Variants in PTPRA observed in about 807,000 individuals in gnomAD.
The protein encoded by PTPRA is protein tyrosine phosphatase receptor type A.
Under a neutral mutation model 104.8 loss-of-function variants are expected in PTPRA, and 25 were observed. The ratio of observed to expected loss-of-function variants is 0.24; its 90% CI spans 0.17 to 0.33. The LOEUF (loss-of-function observed/expected upper bound fraction) is 0.33, where lower values mean the gene tolerates loss of function less well. Ranked by LOEUF, PTPRA falls within the 10% of genes least tolerant of loss-of-function variation. PTPRA has a pLI of 1.00. For synonymous variants in PTPRA, 323 were observed against 368.9 expected, an observed-to-expected ratio of 0.88 and a Z score of 1.43; for missense variants, 765 against 1,015.3, an observed-to-expected ratio of 0.75 and a Z score of 3.35.
chr20:3,019,242 G>A (rs2422836), intron 13 of PTPRA, among the ~76,000 whole-genome samples: 74,339 of 138,870 alleles, frequency 0.54, 19,475 homozygotes, highest in East Asian at 0.75. Flanking sequence ...GCGGCTGGCC[G>A]GGCGGGGGGC....
At chr20:2,890,362 C>A (rs2058748019) in intron 1 of PTPRA, among the ~76,000 whole-genome samples, 1 of 152,046 alleles carries the variant, frequency 6.6e-6, no homozygotes, top group African/African-American at 2.4e-5. Flanking sequence ...TGAACTTGGG[C>A]AAAATAGTTA....
chr20:2,994,236 T>C (rs1355503516), intron 9 of PTPRA, among the ~76,000 whole-genome samples: 1 of 152,158 alleles, frequency 6.6e-6, no homozygotes, highest in Non-Finnish European at 1.5e-5. Flanking sequence ...GCAGGGTTCC[T>C]CCTTACAGAT....
intron 3 of PTPRA, among the ~76,000 whole-genome samples, chr20:2,953,467 A>G (rs930002626): frequency 2.6e-5 from 4 of 151,472 alleles, no homozygotes; most frequent in Non-Finnish European, 5.9e-5. Flanking sequence ...GTTAATCAGG[A>G]TGGTCTCGAT....
At chr20:2,865,180 G>A in the PTPRA span, 7 of 1,614,180 alleles carry the variant, frequency 4.3e-6, no homozygotes, top group Admixed American at 1.0e-4. This position sits in a 1 kb window ranked among gnomAD's most constrained non-coding sequence, Gnocchi z 5.2. Context: ...TCCTACGGCT[G>A]CAGCGGCGCC....
At chr20:2,967,320 T>C (rs891640676) in intron 5 of PTPRA, among the ~76,000 whole-genome samples, 2 of 152,150 alleles carry the variant, frequency 1.3e-5, no homozygotes, top group Non-Finnish European at 2.9e-5. Context: ...TTATTCAAGA[T>C]GAGTAAAACA....
intron 2 of PTPRA, among the ~76,000 whole-genome samples, chr20:2,927,944 A>G (rs990469827): frequency 6.6e-6 from 1 of 151,466 alleles, no homozygotes; most frequent in Non-Finnish European, 1.5e-5. Flanking sequence ...CGGGTGGTGG[A>G]GGTTGCAGTG....
rs144329325 is a variant in PTPRA, at chr20:2,879,154, G to A, written c.-129+5394G>A. 5.3e-5 allele frequency among the ~76,000 whole-genome samples: 8 copies of A among 152,328 alleles called. No individual in the cohort carries two copies. The East Asian group carries it at 1.5e-3, about 29-fold the overall frequency. ...TAGATGTGATGAAAGGGGAAGAATA[G>A]GGTGTCGGGAGTGTCAGAGAAGTTC... On this transcript the variant is annotated intron_variant, in intron 1 of 23. Coordinates refer to ENST00000399903, the MANE Select transcript of PTPRA (RefSeq NM_001385305.1).
chr20:2,974,346 G>A (rs2062331245), intron 5 of PTPRA, among the ~76,000 whole-genome samples: 1 of 151,914 alleles, frequency 6.6e-6, no homozygotes, highest in South Asian at 2.1e-4. Flanking sequence ...ACCCTCCCAG[G>A]TTTAAGCAAT....
intron 1 of PTPRA, among the ~76,000 whole-genome samples, chr20:2,875,796 C>T (rs926247195): frequency 1.3e-5 from 2 of 152,058 alleles, no homozygotes; most frequent in Admixed American, 1.3e-4. Flanking sequence ...GAATTTTGGC[C>T]GTGTATTTGC....
chr20:3,026,836 A>C (rs986201423), intron 18 of PTPRA, 56 bp downstream of exon 18: 4 of 1,405,500 alleles, frequency 2.8e-6, no homozygotes, highest in Non-Finnish European at 4.0e-6. Flanking sequence ...AATTCCCTCC[A>C]CCCCTTCCAT....
At chr20:2,972,530 G>A (rs1179370318) in intron 5 of PTPRA, among the ~76,000 whole-genome samples, 10 of 152,146 alleles carry the variant, frequency 6.6e-5, no homozygotes, top group Non-Finnish European at 1.5e-4. Context: ...GTAACAAGCT[G>A]TTGCAGTCTA....
intron 3 of PTPRA, among the ~76,000 whole-genome samples, chr20:2,959,770 A>ATG (rs1260406075): frequency 6.6e-6 from 1 of 151,968 alleles, no homozygotes; most frequent in Non-Finnish European, 1.5e-5. Context: ...GGCCAATATG[A>ATG]TGAAACCCCA....
intron 1 of PTPRA, among the ~76,000 whole-genome samples, chr20:2,903,345 T>C (rs1007445992): frequency 5.9e-5 from 9 of 152,152 alleles, no homozygotes; most frequent in Non-Finnish European, 8.8e-5. Context: ...TGTGCCTAGC[T>C]TATAGGGAAC....
intron 1 of PTPRA, among the ~76,000 whole-genome samples, chr20:2,900,732 C>T (rs1362620794): frequency 6.6e-6 from 1 of 151,516 alleles, no homozygotes; most frequent in South Asian, 2.1e-4. Context: ...TGGCAGGTGC[C>T]TGTAATCCCA....
At chr20:2,875,865 T>C (rs996048644) in intron 1 of PTPRA, among the ~76,000 whole-genome samples, 1 of 152,158 alleles carries the variant, frequency 6.6e-6, no homozygotes, top group Admixed American at 6.5e-5. Context: ...GGGAAAGCTT[T>C]CCTGGGACGG....
At chr20:2,959,593 A>G (rs11087559) in intron 3 of PTPRA, among the ~76,000 whole-genome samples, 2,208 of 151,444 alleles carry the variant, frequency 0.015, 116 homozygotes, top group Admixed American at 0.09. Flanking sequence ...ATAAGAAAAA[A>G]TAAAAATTAA....
chr20:2,960,399 G>A lies in PTPRA; in HGVS notation c.-6-3873G>A, dbSNP rs537695962. Among the ~76,000 whole-genome samples, 371 of 151,728 alleles carry A rather than the reference G, an allele frequency of 2.4e-3. 4 individuals are homozygous for A. Among genetic ancestry groups the A allele is most frequent in the Middle Eastern group, 0.017 (5 of 292 alleles). On this transcript the variant is annotated intron_variant, in intron 3 of 23. Transcript: ENST00000399903. ...CGAGTAGCTGGGACTACAGGTGCCC[G>A]CCACCACATCCGGCTAATTTTTTGT...
the PTPRA span, chr20:2,865,077 G>A: frequency 6.2e-7 from 1 of 1,614,182 alleles, no homozygotes; most frequent in Non-Finnish European, 8.5e-7. This position sits in a 1 kb window ranked among gnomAD's most constrained non-coding sequence, Gnocchi z 5.2. Flanking sequence ...CTTTTTCCAA[G>A]AGCCTCCTCG....
At chr20:2,885,835 G>A (rs896953079) in intron 1 of PTPRA, among the ~76,000 whole-genome samples, 2 of 152,224 alleles carry the variant, frequency 1.3e-5, no homozygotes, top group Non-Finnish European at 2.9e-5. Context: ...GGAGGCCAAG[G>A]TGGGTGGATC....
Sources: allele counts gnomAD v4.1 joint callset (sites outside exome capture counted in the v4.1 genomes callset), GRCh38; gene constraint gnomAD v4.1.1; non-coding constraint Gnocchi (gnomAD v3.1); transcripts MANE v1.5; gene names NCBI Gene and HGNC (gene_info 2026-07-23, HGNC 2026-07-21).